Variants in GFRAL observed in about 807,000 individuals in gnomAD.
GFRAL encodes the protein GDNF family receptor alpha-like.
A neutral mutation model predicts 45.4 loss-of-function variants in GFRAL; 36 were observed. The observed-to-expected ratio is 0.79, with a 90% CI of 0.61 to 1.05. The LOEUF (loss-of-function observed/expected upper bound fraction) is 1.05. Among genes scored for constraint, GFRAL ranks in the 50% least tolerant of loss-of-function variants. GFRAL has a pLI of 0.00. For synonymous variants in GFRAL, 166 were observed against 154.1 expected, an observed-to-expected ratio of 1.08 and a Z score of -0.57; for missense variants, 507 against 467.5, an observed-to-expected ratio of 1.08 and a Z score of -0.78.
At chr6:55,380,488 G>T (rs1378356335) in intron 6 of GFRAL, among the ~76,000 whole-genome samples, 1 of 151,864 alleles carries the variant, frequency 6.6e-6, no homozygotes, top group Non-Finnish European at 1.5e-5. Flanking sequence ...AGTAGGCCTG[G>T]GATAGAGTTC....
chr6:55,379,839 C>T (rs1320548487), intron 6 of GFRAL, among the ~76,000 whole-genome samples: 3 of 151,914 alleles, frequency 2.0e-5, no homozygotes, highest in African/African-American at 7.2e-5. Flanking sequence ...ATAATCATCC[C>T]TCTATTCTCT....
chr6:55,387,309 C>A (rs1561866373), intron 6 of GFRAL, among the ~76,000 whole-genome samples: 1 of 152,204 alleles, frequency 6.6e-6, no homozygotes, highest in Non-Finnish European at 1.5e-5. Flanking sequence ...TGGCTTCATA[C>A]AATCCTCTTG....
At position 55,331,750 on chromosome 6, in the gene GFRAL, CA is replaced by C; in HGVS notation, c.61del (p.Thr21ProfsTer7). 1 of 1,610,834 alleles carries C rather than the reference CA, an allele frequency of 6.2e-7. No individual in the cohort carries two copies. Among genetic ancestry groups the C allele is most frequent in the South Asian group, 1.1e-5 (1 of 90,404 alleles). ...GLSLENEYTS[Q>X]TNNCTYLREQ... is the part of the protein sequence containing the mutation. Reference sequence around the variant, plus strand: ...AAGCTTGGAAAATGAATACACTTCCCAAACCAATAATTGCACATATTTAAGA... The same window carrying C: ...AAGCTTGGAAAATGAATACACTTCCCAACCAATAATTGCACATATTTAAGA... On this transcript the variant is annotated frameshift_variant, in exon 2 of 9. Transcript: ENST00000340465. LOFTEE classifies it high-confidence loss of function.
rs779637403 is a variant in GFRAL, at chr6:55,376,437, C to G, written c.952+17299C>G. On this transcript the variant is annotated intron_variant, in intron 6 of 8. Transcript: ENST00000340465. ...TGGAATAGTTTCAGTAGAAATGGTA[C>G]CAGCTCTTCTTTGTACCTCTGGTAG... Among the ~76,000 whole-genome samples, 5 of 152,016 alleles carry G rather than the reference C, an allele frequency of 3.3e-5. No individual in the cohort carries two copies. In the East Asian group the frequency reaches 7.7e-4, roughly 23 times the overall value.
chr6:55,398,646 T>C (rs1768857099), intron 6 of GFRAL, among the ~76,000 whole-genome samples: 1 of 152,184 alleles, frequency 6.6e-6, no homozygotes, highest in Non-Finnish European at 1.5e-5. Context: ...TGGGAATGTA[T>C]TTCTCAGAAA....
intron 3 of GFRAL, among the ~76,000 whole-genome samples, chr6:55,341,107 G>T (rs1562049535): frequency 6.6e-6 from 1 of 152,228 alleles, no homozygotes; most frequent in African/African-American, 2.4e-5. Context: ...GCAGGGCATA[G>T]CCGAACAAAA....
Position 55,399,353 on chromosome 6 carries a change from C to A in GFRAL, c.1049-16C>A, listed in dbSNP as rs1321208507. The A allele has an allele frequency of 6.3e-7, 1 of 1,592,226 alleles. No homozygotes were observed. The highest frequency in any genetic ancestry group is 1.3e-5 in the African/African-American group (1 of 74,292). ...AATCCAGTGACTATTATTTCTTAAT[C>A]TTTTTCTTTTTCTAGGAGAAGTAAT... On this transcript the variant is annotated splice_polypyrimidine_tract_variant and intron_variant, in intron 7 of 8. Transcript: ENST00000340465.
chr6:55,389,163 G>A (rs1768716092), intron 6 of GFRAL, among the ~76,000 whole-genome samples: 1 of 151,990 alleles, frequency 6.6e-6, no homozygotes, highest in Admixed American at 6.5e-5. Context: ...ATGTCATGGG[G>A]GTTTGTTATA....
intron 6 of GFRAL, among the ~76,000 whole-genome samples, chr6:55,384,125 G>A (rs1768649709): frequency 6.6e-6 from 1 of 151,930 alleles, no homozygotes; most frequent in African/African-American, 2.4e-5. Flanking sequence ...CCTGTTGGGG[G>A]GTTGGGAGCT....
intron 6 of GFRAL, among the ~76,000 whole-genome samples, chr6:55,374,959 T>C (rs1768504216): frequency 6.6e-6 from 1 of 152,134 alleles, no homozygotes; most frequent in African/African-American, 2.4e-5. Flanking sequence ...TTTTGAGCTC[T>C]CTATTCTCTT....
intron 6 of GFRAL, among the ~76,000 whole-genome samples, chr6:55,371,723 T>A (rs2127360809): frequency 6.6e-6 from 1 of 152,374 alleles, no homozygotes; most frequent in Middle Eastern, 3.4e-3. Context: ...TGTTCAGTAC[T>A]TTTTAGTCAT....
At chr6:55,344,107 AT>A (rs1768007117) in intron 3 of GFRAL, among the ~76,000 whole-genome samples, 1 of 152,138 alleles carries the variant, frequency 6.6e-6, no homozygotes, top group Non-Finnish European at 1.5e-5. Flanking sequence ...TCTAGCAGAA[AT>A]ACAAACAGGA....
intron 2 of GFRAL, 136 bp from the exon 3 acceptor site, chr6:55,333,650 A>G (rs891011859): frequency 1.5e-5 from 7 of 475,458 alleles, no homozygotes; most frequent in African/African-American, 1.4e-4. Flanking sequence ...ACTTATATGG[A>G]TATCTTGCAG....
chr6:55,389,451 A>ATATGTAT (rs1768720149), intron 6 of GFRAL, among the ~76,000 whole-genome samples: 9 of 152,202 alleles, frequency 5.9e-5, no homozygotes, highest in Non-Finnish European at 1.5e-5. Context: ...ATGTGTAACC[A>ATATGTAT]CTAGCAAAAC....
intron 6 of GFRAL, among the ~76,000 whole-genome samples, chr6:55,386,179 T>C (rs924560060): frequency 1.3e-5 from 2 of 152,134 alleles, no homozygotes; most frequent in Non-Finnish European, 2.9e-5. Flanking sequence ...TTTCTCTAGT[T>C]CCAGATTACC....
chr6:55,396,369 T>A (rs751046070), intron 6 of GFRAL, among the ~76,000 whole-genome samples: 2 of 152,098 alleles, frequency 1.3e-5, no homozygotes, highest in Admixed American at 1.3e-4. Flanking sequence ...GTTACATATC[T>A]AAAAAAAGCC....
rs754030382 is a variant in GFRAL, at chr6:55,358,852, T to C, written c.702-36T>C. 1.4e-5 allele frequency: 23 copies of C among 1,596,758 alleles called. No homozygotes were observed. In the African/African-American group the frequency reaches 2.6e-4, roughly 18 times the overall value. Reference sequence around the variant, plus strand: ...CACATGTTAATGTGAAATAACACTATTCAAAACTAATTATTTTTCTTCACT... The same window carrying C: ...CACATGTTAATGTGAAATAACACTACTCAAAACTAATTATTTTTCTTCACT... On this transcript the variant is annotated intron_variant, in intron 5 of 8. Coordinates refer to ENST00000340465, the MANE Select transcript of GFRAL (RefSeq NM_207410.2).
intron 3 of GFRAL, among the ~76,000 whole-genome samples, chr6:55,343,858 TACAGAAATACATCCC>T (rs1026316254): frequency 4.6e-5 from 7 of 152,054 alleles, no homozygotes; most frequent in African/African-American, 1.7e-4. Flanking sequence ...CACCATTTAA[TACAGAAATACATCCC>T]ACAGAAATAC....
chr6:55,373,576 C>T (rs150090388), intron 6 of GFRAL, among the ~76,000 whole-genome samples: 13 of 152,264 alleles, frequency 8.5e-5, no homozygotes, highest in African/African-American at 2.9e-4. Flanking sequence ...TTTCCTTCCT[C>T]ACCTCTGTGC....
Sources: allele counts gnomAD v4.1 joint callset (sites outside exome capture counted in the v4.1 genomes callset), GRCh38; gene constraint gnomAD v4.1.1; transcripts MANE v1.5; gene names NCBI Gene and HGNC (gene_info 2026-07-23, HGNC 2026-07-21).